The following LRMDA variants were observed in gnomAD, a reference collection of about 807,000 sequenced individuals.
The protein encoded by LRMDA is leucine-rich melanocyte differentiation-associated protein.
LRMDA carries 18 observed loss-of-function variants against 29.8 expected under a neutral mutation model. The ratio of observed to expected loss-of-function variants is 0.60; its 90% CI spans 0.42 to 0.90. LRMDA has a LOEUF of 0.90. Ranked by LOEUF, LRMDA falls within the 40% of genes least tolerant of loss-of-function variation. LRMDA has a pLI of 0.00. For missense variants in LRMDA, 273 were observed against 273.9 expected, an observed-to-expected ratio of 1.00 and a Z score of 0.02; for synonymous variants, 125 against 109.4, an observed-to-expected ratio of 1.14 and a Z score of -0.89.
intron 2 of LRMDA, among the ~76,000 whole-genome samples, chr10:75,578,195 T>C (rs1433256907): frequency 1.8e-5 from 1 of 54,172 alleles, no homozygotes; most frequent in Non-Finnish European, 4.6e-5. Flanking sequence ...TGGAGGTATA[T>C]TTACCAAGCA....
At chr10:75,502,057 G>A (rs955448842) in intron 2 of LRMDA, among the ~76,000 whole-genome samples, 5 of 152,184 alleles carry the variant, frequency 3.3e-5, no homozygotes, top group African/African-American at 1.2e-4. Flanking sequence ...CCCAGGCTGT[G>A]TTCCTCTTGT....
intron 3 of LRMDA, among the ~76,000 whole-genome samples, chr10:76,043,223 G>A (rs1223699422): frequency 6.6e-6 from 1 of 152,156 alleles, no homozygotes; most frequent in Non-Finnish European, 1.5e-5. Flanking sequence ...TTGAATTGAT[G>A]AATGAGTTTG....
chr10:76,334,707 A>G (rs1840946040), intron 6 of LRMDA, among the ~76,000 whole-genome samples: 1 of 152,062 alleles, frequency 6.6e-6, no homozygotes, highest in South Asian at 2.1e-4. Context: ...AGGGTGTGGT[A>G]TTGGGCTTTT....
chr10:75,482,951 C>CT (rs1284738159), intron 2 of LRMDA, among the ~76,000 whole-genome samples: 462 of 145,482 alleles, frequency 3.2e-3, no homozygotes, highest in Middle Eastern at 6.9e-3. Context: ...TCCTTTCCTT[C>CT]TTTTTTTTTT....
intron 6 of LRMDA, among the ~76,000 whole-genome samples, chr10:76,348,099 A>G (rs1295104856): frequency 6.6e-6 from 1 of 152,204 alleles, no homozygotes; most frequent in African/African-American, 2.4e-5. Flanking sequence ...TGCAGGGGAT[A>G]GACCCCATCA....
intron 5 of LRMDA, among the ~76,000 whole-genome samples, chr10:76,124,415 G>T (rs765474866): frequency 6.6e-6 from 1 of 152,166 alleles, no homozygotes; most frequent in Non-Finnish European, 1.5e-5. Context: ...CTTTTCTCAG[G>T]CTGCCTTTCT....
At chr10:75,764,429 A>C (rs945162954) in intron 2 of LRMDA, among the ~76,000 whole-genome samples, 5 of 152,196 alleles carry the variant, frequency 3.3e-5, no homozygotes, top group Non-Finnish European at 7.3e-5. Flanking sequence ...GAGTGAGTTC[A>C]TAGAGCCCCC....
At chr10:75,632,533 G>A (rs1040736390) in intron 2 of LRMDA, among the ~76,000 whole-genome samples, 12 of 151,916 alleles carry the variant, frequency 7.9e-5, no homozygotes, top group South Asian at 2.1e-4. Context: ...AAAGTTTAGC[G>A]TTTAGAGAAA....
chr10:76,352,225 T>C (rs1384988901), intron 6 of LRMDA, among the ~76,000 whole-genome samples: 1 of 152,162 alleles, frequency 6.6e-6, no homozygotes. Flanking sequence ...CTGAACCCTA[T>C]GTATACTGTA....
intron 2 of LRMDA, among the ~76,000 whole-genome samples, chr10:75,996,763 C>G (rs1468624688): frequency 6.8e-6 from 1 of 147,764 alleles, no homozygotes. Context: ...GACGGAGTCT[C>G]GGTCTGTCGT....
intron 6 of LRMDA, among the ~76,000 whole-genome samples, chr10:76,391,751 T>C (rs1244519484): frequency 6.6e-6 from 1 of 152,212 alleles, no homozygotes; most frequent in Non-Finnish European, 1.5e-5. Flanking sequence ...GCCCAGCTCC[T>C]GATTCTCATA....
At chr10:76,010,177 T>C (rs1340567179) in intron 2 of LRMDA, among the ~76,000 whole-genome samples, 1 of 152,136 alleles carries the variant, frequency 6.6e-6, no homozygotes, top group Non-Finnish European at 1.5e-5. Context: ...GCTGGTGGCC[T>C]TACTGTCCCG....
intron 2 of LRMDA, among the ~76,000 whole-genome samples, chr10:75,733,777 G>C (rs977705334): frequency 6.6e-6 from 1 of 152,218 alleles, no homozygotes; most frequent in Admixed American, 6.5e-5. Context: ...TTAAGGTCTT[G>C]TGTCTTTAAG....
chr10:75,868,055 A>G (rs921079810), intron 2 of LRMDA, among the ~76,000 whole-genome samples: 1 of 152,086 alleles, frequency 6.6e-6, no homozygotes, highest in African/African-American at 2.4e-5. Flanking sequence ...AGGCTGTACA[A>G]ATTAGATGGT....
intron 5 of LRMDA, among the ~76,000 whole-genome samples, chr10:76,268,886 C>T (rs1019307571): frequency 6.6e-6 from 1 of 151,974 alleles, no homozygotes; most frequent in African/African-American, 2.4e-5. Flanking sequence ...CTTATTGGCC[C>T]CCTAGGTTTC....
chr10:75,864,218 T>C (rs1461634895), intron 2 of LRMDA, among the ~76,000 whole-genome samples: 1 of 152,218 alleles, frequency 6.6e-6, no homozygotes, highest in Non-Finnish European at 1.5e-5. Flanking sequence ...ATAGTAAATG[T>C]TAGGGAACTT....
intron 6 of LRMDA, among the ~76,000 whole-genome samples, chr10:76,468,976 G>C (rs1842591754): frequency 6.6e-6 from 1 of 152,180 alleles, no homozygotes; most frequent in African/African-American, 2.4e-5. Flanking sequence ...CTGCTCCCCA[G>C]TGAAGCAAAT....
chr10:76,482,725 T>C (rs1842743985), intron 6 of LRMDA, among the ~76,000 whole-genome samples: 1 of 152,008 alleles, frequency 6.6e-6, no homozygotes, highest in Non-Finnish European at 1.5e-5. Context: ...GTGAATAGAA[T>C]GTGCATTTGT....
intron 2 of LRMDA, among the ~76,000 whole-genome samples, chr10:75,688,295 T>G (rs1322014524): frequency 1.3e-5 from 2 of 152,236 alleles, no homozygotes; most frequent in Admixed American, 1.3e-4. Flanking sequence ...TTGTGATTCA[T>G]GAGAGGAATC....
Sources: gnomAD v4.1 joint callset for allele counts (sites outside exome capture counted in the v4.1 genomes callset) on GRCh38, gnomAD v4.1.1 for gene constraint, MANE v1.5 for transcripts, NCBI Gene and HGNC (gene_info 2026-07-23, HGNC 2026-07-21) for gene names.